The following LUZP2 variants were observed in gnomAD, a reference collection of about 807,000 sequenced individuals.
The protein encoded by LUZP2 is leucine zipper protein 2.
Under a neutral mutation model 51.6 loss-of-function variants are expected in LUZP2, and 52 were observed. That is an observed-to-expected ratio of 1.01 (90% CI 0.81 to 1.27). The LOEUF (loss-of-function observed/expected upper bound fraction) is 1.27. LUZP2 is among the 50% of genes most tolerant of loss of function. LUZP2 has a pLI of 0.00. For synonymous variants in LUZP2, 154 were observed against 137.3 expected, an observed-to-expected ratio of 1.12 and a Z score of -0.85; for missense variants, 436 against 395.4, an observed-to-expected ratio of 1.10 and a Z score of -0.87.
intron 5 of LUZP2, among the ~76,000 whole-genome samples, chr11:24,824,141 A>T (rs1036166050): frequency 2.6e-5 from 4 of 151,852 alleles, no homozygotes; most frequent in Non-Finnish European, 4.4e-5. Flanking sequence ...AGGCAGGCGG[A>T]TCACCTGAGG....
chr11:24,923,480 T>A (rs1462560307), intron 7 of LUZP2, among the ~76,000 whole-genome samples: 2 of 152,032 alleles, frequency 1.3e-5, no homozygotes, highest in Admixed American at 1.3e-4. Flanking sequence ...GGGTATCACC[T>A]GAGGTCAGGA....
intron 5 of LUZP2, among the ~76,000 whole-genome samples, chr11:24,775,120 G>A (rs922706902): frequency 2.0e-5 from 3 of 151,926 alleles, no homozygotes; most frequent in Admixed American, 1.3e-4. Context: ...GGAAGATGAC[G>A]ACAATAACCC....
rs548081764 is a variant in LUZP2 at position 24,797,520 on chromosome 11, G to A, written c.396+34212G>A. ...CTGTAACTCAAGGACTTTAAAAATC[G>A]TGTACAAGGTCGGAGAGCAAATGAG... On this transcript the variant is annotated intron_variant, in intron 5 of 11. Transcript: ENST00000336930. Among the ~76,000 whole-genome samples, 14 of 152,240 alleles carry A rather than the reference G, an allele frequency of 9.2e-5. No homozygotes were observed. In the East Asian group the frequency reaches 1.2e-3, roughly 13 times the overall value.
chr11:25,062,587 CAAAAAA>C (rs1163708322), intron 10 of LUZP2, among the ~76,000 whole-genome samples: 6 of 43,110 alleles, frequency 1.4e-4, no homozygotes, highest in Admixed American at 4.3e-4. Flanking sequence ...AAGACCCTGT[CAAAAAA>C]AAAAAAAAAA....
chr11:24,763,729 TAAAC>T (rs1860072974), intron 5 of LUZP2, among the ~76,000 whole-genome samples: 1 of 152,196 alleles, frequency 6.6e-6, no homozygotes, highest in South Asian at 2.1e-4. Context: ...AATTTAAACA[TAAAC>T]AAGTTGTAAT....
chr11:24,892,045 G>A (rs993033012), intron 5 of LUZP2: 1 of 985,478 alleles, frequency 1.0e-6, no homozygotes, highest in African/African-American at 1.7e-5. Flanking sequence ...TTCCAGGCTG[G>A]TTGGCTGCTG....
intron 1 of LUZP2, among the ~76,000 whole-genome samples, chr11:24,594,874 C>T (rs192813435): frequency 2.4e-3 from 355 of 150,330 alleles, no homozygotes; most frequent in Middle Eastern, 0.018. Context: ...ATTTTCCTGC[C>T]TCAGCCTCCT....
At chr11:24,959,597 A>T (rs1855330634) in intron 7 of LUZP2, among the ~76,000 whole-genome samples, 1 of 152,098 alleles carries the variant, frequency 6.6e-6, no homozygotes, top group Non-Finnish European at 1.5e-5. Flanking sequence ...TTGTACATTG[A>T]TTTTGTATCC....
intron 1 of LUZP2, among the ~76,000 whole-genome samples, chr11:24,566,332 T>TC (rs373379117): frequency 1.9e-3 from 254 of 132,620 alleles, no homozygotes; most frequent in Middle Eastern, 4.0e-3. Flanking sequence ...ATTTATTTTT[T>TC]TTTTTTTTTT....
intron 5 of LUZP2, among the ~76,000 whole-genome samples, chr11:24,874,982 C>A (rs1047279028): frequency 2.0e-5 from 3 of 152,234 alleles, no homozygotes; most frequent in South Asian, 2.1e-4. Context: ...TTCCCAGCAT[C>A]CTTTGAAGCT....
At chr11:24,747,038 A>G (rs1402876091) in intron 4 of LUZP2, among the ~76,000 whole-genome samples, 2 of 152,010 alleles carry the variant, frequency 1.3e-5, no homozygotes, top group African/African-American at 2.4e-5. Context: ...TAACCGCCTG[A>G]ATTCTTTTTC....
At chr11:24,861,601 C>T (rs1425100715) in intron 5 of LUZP2, among the ~76,000 whole-genome samples, 3 of 152,154 alleles carry the variant, frequency 2.0e-5, no homozygotes, top group Admixed American at 6.5e-5. Flanking sequence ...GAAAGGAGTA[C>T]TCAGACACAG....
chr11:24,686,609 A>G (rs939415299), intron 1 of LUZP2, among the ~76,000 whole-genome samples: 1 of 152,058 alleles, frequency 6.6e-6, no homozygotes, highest in African/African-American at 2.4e-5. Context: ...TCTGCAGCCC[A>G]CCTAAATAGC....
At chr11:24,708,725 A>G (rs558839860) in intron 1 of LUZP2, among the ~76,000 whole-genome samples, 1 of 152,178 alleles carries the variant, frequency 6.6e-6, no homozygotes, top group East Asian at 1.9e-4. Context: ...ATTTCTGCCA[A>G]GTTGCCAGAC....
At chr11:25,036,062 T>C (rs1857850002) in intron 9 of LUZP2, among the ~76,000 whole-genome samples, 1 of 152,118 alleles carries the variant, frequency 6.6e-6, no homozygotes, top group African/African-American at 2.4e-5. Flanking sequence ...TCTTTGTATG[T>C]CTGCTAAAAT....
chr11:24,589,023 A>G (rs946577883), intron 1 of LUZP2, among the ~76,000 whole-genome samples: 1 of 152,058 alleles, frequency 6.6e-6, no homozygotes, highest in African/African-American at 2.4e-5. Flanking sequence ...GACGTCAATT[A>G]TCAGTTTGGT....
chr11:24,864,600 A>G (rs886618242), intron 5 of LUZP2, among the ~76,000 whole-genome samples: 1 of 152,134 alleles, frequency 6.6e-6, no homozygotes, highest in African/African-American at 2.4e-5. Flanking sequence ...GCATGGTGGC[A>G]AGTTGTTTGG....
At chr11:24,899,628 TG>T (rs1373616732) in intron 5 of LUZP2, among the ~76,000 whole-genome samples, 1 of 152,092 alleles carries the variant, frequency 6.6e-6, no homozygotes, top group African/African-American at 2.4e-5. Context: ...CTATGCAAAC[TG>T]CAAGAGAAAA....
intron 7 of LUZP2, among the ~76,000 whole-genome samples, chr11:24,961,166 A>G (rs1424019861): frequency 3.2e-4 from 49 of 152,154 alleles, no homozygotes; most frequent in Non-Finnish European, 1.5e-5. Context: ...TTTACTTCCA[A>G]CTATGTGGTT....
Sources: gnomAD v4.1 joint callset for allele counts (sites outside exome capture counted in the v4.1 genomes callset) on GRCh38, gnomAD v4.1.1 for gene constraint, MANE v1.5 for transcripts, NCBI Gene and HGNC (gene_info 2026-07-23, HGNC 2026-07-21) for gene names.